The following KTN1 variants were observed in gnomAD, a reference collection of about 807,000 sequenced individuals.
KTN1 encodes kinectin.
KTN1 carries 130 observed loss-of-function variants against 222.5 expected under a neutral mutation model. That is an observed-to-expected ratio of 0.58 (90% CI 0.51 to 0.68). The LOEUF (loss-of-function observed/expected upper bound fraction) is 0.68, where lower values mean the gene tolerates loss of function less well. Ranked by LOEUF, KTN1 falls within the 30% of genes least tolerant of loss-of-function variation. The pLI, the probability that KTN1 is intolerant of heterozygous loss-of-function variation, is 0.00. For missense variants in KTN1, 1,508 were observed against 1,500.4 expected (o/e 1.01, Z -0.08); for synonymous variants, 512 against 496.3 (o/e 1.03, Z -0.42).
chr14:55,582,078 T>G (rs943487435), intron 1 of KTN1, among the ~76,000 whole-genome samples: 1 of 152,156 alleles, frequency 6.6e-6, no homozygotes, highest in Non-Finnish European at 1.5e-5. Context: ...TCTACTTGAT[T>G]TACTTGAGGC....
In KTN1 at chr14:55,618,142, A is replaced by G. The variant is rs373477959; in HGVS notation, c.832+8A>G. 7 of 1,602,234 alleles carry G rather than the reference A, an allele frequency of 4.4e-6. No individual in the cohort carries two copies. The highest frequency in any genetic ancestry group is 1.7e-5 in the Admixed American group (1 of 59,430). On this transcript the variant is annotated splice_region_variant and intron_variant, in intron 4 of 43. Coordinates refer to ENST00000395314, the MANE Select transcript of KTN1 (RefSeq NM_001079521.2). The stretch of plus-strand genomic sequence containing the variant: ...AGACCGAAACTGACAAAGGTAATAT[A>G]TGGGATTTATAGTCTTTGTTGTACT...
intron 1 of KTN1, among the ~76,000 whole-genome samples, chr14:55,597,397 A>G (rs1004705572): frequency 2.6e-4 from 39 of 152,320 alleles, no homozygotes; most frequent in Non-Finnish European, 8.8e-5. Context: ...CAGAATGAAC[A>G]TTTCTTAAGT....
chr14:55,637,679 A>T, intron 11 of KTN1, 100 bp from the exon 12 acceptor site: 1 of 850,558 alleles, frequency 1.2e-6, no homozygotes. Flanking sequence ...AAAAAAAAAA[A>T]AGAAAAAGAT....
At chr14:55,612,941 T>C (rs1202062086) in intron 2 of KTN1, among the ~76,000 whole-genome samples, 1 of 151,944 alleles carries the variant, frequency 6.6e-6, no homozygotes, top group Non-Finnish European at 1.5e-5. Context: ...AATATCCAAC[T>C]TTGGCTATTT....
chr14:55,605,179 T>G (rs769997670), intron 1 of KTN1, among the ~76,000 whole-genome samples: 19 of 152,234 alleles, frequency 1.2e-4, no homozygotes, highest in Non-Finnish European at 2.5e-4. Flanking sequence ...TATTTCTGTG[T>G]TGAAATTGAT....
chr14:55,599,219 ACT>A (rs529210455), intron 1 of KTN1, among the ~76,000 whole-genome samples: 14 of 151,098 alleles, frequency 9.3e-5, no homozygotes, highest in African/African-American at 3.2e-4. Flanking sequence ...TTCTTTTATA[ACT>A]CTCATGGCTG....
chr14:55,655,984 G>A, intron 28 of KTN1, 58 bp from the exon 29 acceptor site: 1 of 976,082 alleles, frequency 1.0e-6, no homozygotes, highest in Non-Finnish European at 1.6e-6. Context: ...TGATATTGGA[G>A]TCTGGTTTTC....
intron 1 of KTN1, among the ~76,000 whole-genome samples, chr14:55,597,484 C>T (rs1566672810): frequency 6.6e-6 from 1 of 152,080 alleles, no homozygotes; most frequent in Non-Finnish European, 1.5e-5. Flanking sequence ...TTGCTGTTTG[C>T]GTAGATGTCG....
intron 8 of KTN1, 26 bp downstream of exon 8, chr14:55,633,367 T>A: frequency 7.8e-7 from 1 of 1,274,222 alleles, no homozygotes; most frequent in African/African-American, 1.5e-5. Flanking sequence ...CCTTATTTTT[T>A]AATTGAATGG....
At chr14:55,637,040 C>G (rs2041209773) in intron 10 of KTN1, among the ~76,000 whole-genome samples, 158 bp from the exon 11 acceptor site, 1 of 151,982 alleles carries the variant, frequency 6.6e-6, no homozygotes, top group Non-Finnish European at 1.5e-5. Flanking sequence ...CCCTTTCTCC[C>G]ATGAAACGCA....
chr14:55,631,004 C>T (rs987045018), intron 7 of KTN1, among the ~76,000 whole-genome samples: 1 of 151,956 alleles, frequency 6.6e-6, no homozygotes, highest in Non-Finnish European at 1.5e-5. Context: ...TGCTTCCTAC[C>T]CTTTCACCTG....
At chr14:55,648,996 A>G in intron 21 of KTN1, 126 bp downstream of exon 21, 8 of 648,800 alleles carry the variant, frequency 1.2e-5, no homozygotes, top group Non-Finnish European at 2.2e-5. Flanking sequence ...TACAATCATA[A>G]CTCACCGTAA....
In KTN1 at chr14:55,679,427, T is replaced by C. The variant is rs1359427407; in HGVS notation, c.3949-138T>C. On this transcript the variant is annotated intron_variant, in intron 42 of 43. Coordinates refer to ENST00000395314, the MANE Select transcript of KTN1 (RefSeq NM_001079521.2). ...ACAGTATTTCTCTATGTGGTTTTTG[T>C]TATTGTTGATTTTCATGTCATTGTT... The C allele has an allele frequency of 2.5e-5, 18 of 707,922 alleles. No homozygotes were observed. The Admixed American group carries it at 3.9e-4, about 15-fold the overall frequency. The allele number at this position is 707,922 out of a possible 1,614,324, so 43.9% of individuals were successfully genotyped here.
At chr14:55,670,888 A>G (rs2045383229) in intron 35 of KTN1, 79 bp downstream of exon 35, 4 of 869,194 alleles carry the variant, frequency 4.6e-6, no homozygotes. Context: ...ATAAGCTTGG[A>G]AAAGATAAAA....
Position 55,672,710 on chromosome 14 carries a change from T to C in KTN1, c.3603+9T>C, listed in dbSNP as rs746958729. Reference sequence around the variant, plus strand: ...ATAAGGATATTGAAAATGTATGTTATTTGATTGTTTTACTTGTAACCTATG... The same window carrying C: ...ATAAGGATATTGAAAATGTATGTTACTTGATTGTTTTACTTGTAACCTATG... On this transcript the variant is annotated intron_variant, in intron 38 of 43. Coordinates refer to ENST00000395314, the MANE Select transcript of KTN1 (RefSeq NM_001079521.2). The C allele has an allele frequency of 3.9e-6, 6 of 1,537,968 alleles. No individual in the cohort carries two copies. Among genetic ancestry groups the C allele is most frequent in the Non-Finnish European group, 5.4e-6 (6 of 1,111,988 alleles).
intron 1 of KTN1, among the ~76,000 whole-genome samples, chr14:55,608,786 C>T (rs187427905): frequency 4.3e-4 from 65 of 151,938 alleles, no homozygotes; most frequent in African/African-American, 1.2e-3. Flanking sequence ...CGTACCACCA[C>T]GCCCGGCTGA....
At chr14:55,673,033 T>G in intron 39 of KTN1, 21 bp downstream of exon 39, 1 of 1,583,476 alleles carries the variant, frequency 6.3e-7, no homozygotes, top group South Asian at 1.1e-5. Context: ...CAGAATCTTT[T>G]CAAACTTGCT....
chr14:55,619,812 A>C (rs556792841), intron 5 of KTN1, among the ~76,000 whole-genome samples: 48 of 152,248 alleles, frequency 3.2e-4, no homozygotes, highest in African/African-American at 1.1e-3. Context: ...GGACACAGCC[A>C]AACCATAACA....
intron 1 of KTN1, among the ~76,000 whole-genome samples, chr14:55,599,566 C>T (rs2035637915): frequency 6.6e-6 from 1 of 150,524 alleles, no homozygotes; most frequent in African/African-American, 2.4e-5. Flanking sequence ...CACAGAAGCA[C>T]AGATTCAAAG....
Sources: allele counts gnomAD v4.1 joint callset (sites outside exome capture counted in the v4.1 genomes callset), GRCh38; gene constraint gnomAD v4.1.1; transcripts MANE v1.5; gene names NCBI Gene and HGNC (gene_info 2026-07-23, HGNC 2026-07-21).